PALLD: variants seen among roughly 807,000 people sequenced by gnomAD.
The protein encoded by PALLD is palladin.
In PALLD, 61 loss-of-function variants were observed where a neutral mutation model predicts 123.5. The ratio of observed to expected loss-of-function variants is 0.49; its 90% CI spans 0.40 to 0.61. PALLD has a LOEUF of 0.61. PALLD is among the 20% of genes least tolerant of loss of function. PALLD has a pLI of 0.00. For synonymous variants in PALLD, 465 were observed against 496.4 expected, an observed-to-expected ratio of 0.94 and a Z score of 0.84; for missense variants, 1,273 against 1,377.0, an observed-to-expected ratio of 0.92 and a Z score of 1.20.
chr4:168,577,568 AG>A, intron 2 of PALLD, among the ~76,000 whole-genome samples: 2 of 152,284 alleles, frequency 1.3e-5, no homozygotes, highest in Admixed American at 1.3e-4. Flanking sequence ...ATATATCAAA[AG>A]TATTTGCAAT....
chr4:168,870,504 A>G (rs548920941), intron 10 of PALLD, among the ~76,000 whole-genome samples: 22 of 152,332 alleles, frequency 1.4e-4, no homozygotes, highest in Middle Eastern at 3.4e-3. Context: ...AAACTGATAT[A>G]TACGTTTTTC....
intron 3 of PALLD, among the ~76,000 whole-genome samples, chr4:168,677,632 T>C (rs1780993194): frequency 6.6e-6 from 1 of 152,146 alleles, no homozygotes; most frequent in Non-Finnish European, 1.5e-5. Flanking sequence ...ACCCCTCCCC[T>C]TCTCCTAAAT....
chr4:168,715,265 A>C (rs1255522440), intron 10 of PALLD, among the ~76,000 whole-genome samples: 1 of 151,846 alleles, frequency 6.6e-6, no homozygotes, highest in Non-Finnish European at 1.5e-5. Flanking sequence ...TGTTTCTAAC[A>C]CTCTCCCTCA....
chr4:168,525,254 C>T (rs772579676), intron 2 of PALLD, among the ~76,000 whole-genome samples: 1 of 152,092 alleles, frequency 6.6e-6, no homozygotes, highest in Non-Finnish European at 1.5e-5. Flanking sequence ...TACAATTCTG[C>T]AAGATCATTT....
intron 6 of PALLD, among the ~76,000 whole-genome samples, chr4:168,685,895 T>G (rs534336284): frequency 1.3e-5 from 2 of 150,996 alleles, no homozygotes; most frequent in Admixed American, 6.6e-5. Flanking sequence ...TCAGAAAAAC[T>G]GACTAATTTT....
At chr4:168,894,047 T>C (rs1038241805) in intron 11 of PALLD, 2 of 166,886 alleles carry the variant, frequency 1.2e-5, no homozygotes, top group African/African-American at 4.8e-5. Context: ...CTCATCCACA[T>C]CTTCCTTTAG....
chr4:168,537,161 T>C (rs146833030), intron 2 of PALLD, among the ~76,000 whole-genome samples: 1 of 152,288 alleles, frequency 6.6e-6, no homozygotes, highest in African/African-American at 2.4e-5. Context: ...TCAAATTATC[T>C]TTACTACAGA....
At chr4:168,903,606 A>G in intron 14 of PALLD, 151 bp from the exon 15 acceptor site, 1 of 648,162 alleles carries the variant, frequency 1.5e-6, no homozygotes, top group Non-Finnish European at 2.7e-6. Flanking sequence ...TTTTTCAGTG[A>G]AAAATCAATT....
At chr4:168,836,656 C>T (rs965313559) in intron 10 of PALLD, among the ~76,000 whole-genome samples, 2 of 152,162 alleles carry the variant, frequency 1.3e-5, no homozygotes, top group African/African-American at 4.8e-5. Flanking sequence ...GCTGGAGCGC[C>T]ACGCAGGAGA....
chr4:168,539,612 T>TAAATAAAG (rs869262753), intron 2 of PALLD, among the ~76,000 whole-genome samples: 15 of 122,146 alleles, frequency 1.2e-4, no homozygotes, highest in Middle Eastern at 8.5e-3. Flanking sequence ...AATAAATAAA[T>TAAATAAAG]AAAGATGCTT....
chr4:168,727,324 C>A (rs1786691361), intron 10 of PALLD, among the ~76,000 whole-genome samples: 1 of 152,202 alleles, frequency 6.6e-6, no homozygotes, highest in Admixed American at 6.5e-5. Context: ...AGGGGCTGAA[C>A]TAATTTACAT....
At chr4:168,587,514 G>A (rs972618169) in intron 2 of PALLD, among the ~76,000 whole-genome samples, 4 of 152,130 alleles carry the variant, frequency 2.6e-5, no homozygotes, top group African/African-American at 9.7e-5. Context: ...ACTCCAAAGC[G>A]CAGGGAGGCT....
At chr4:168,732,876 T>A (rs1296026739) in intron 10 of PALLD, among the ~76,000 whole-genome samples, 1 of 152,202 alleles carries the variant, frequency 6.6e-6, no homozygotes. Context: ...CAGAACATGA[T>A]CATGTAACTA....
chr4:168,875,705 G>A (rs1021724306), intron 10 of PALLD, among the ~76,000 whole-genome samples: 5 of 152,218 alleles, frequency 3.3e-5, no homozygotes, highest in Admixed American at 1.3e-4. Flanking sequence ...TAAAGTTAGC[G>A]CTTCCACAGC....
chr4:168,509,731 C>T (rs1249040340), intron 1 of PALLD, among the ~76,000 whole-genome samples: 1 of 151,874 alleles, frequency 6.6e-6, no homozygotes, highest in Non-Finnish European at 1.5e-5. Context: ...AATTCAGGCA[C>T]AAAAAAAGTA....
intron 10 of PALLD, among the ~76,000 whole-genome samples, chr4:168,750,003 G>A (rs1452174966): frequency 6.6e-6 from 1 of 151,518 alleles, no homozygotes; most frequent in Non-Finnish European, 1.5e-5. Context: ...CTGGAGTGCA[G>A]TGGCAATATC....
intron 2 of PALLD, among the ~76,000 whole-genome samples, chr4:168,647,286 G>A (rs1777557678): frequency 6.6e-6 from 1 of 152,116 alleles, no homozygotes; most frequent in Non-Finnish European, 1.5e-5. Flanking sequence ...CTTCAGAAAG[G>A]TTAGGCTGAC....
chr4:168,928,321 A>G lies in PALLD; in HGVS notation c.*2141A>G, dbSNP rs962914167. 55 of 95,476 alleles carry G rather than the reference A, an allele frequency of 5.8e-4. No homozygotes were observed. Among genetic ancestry groups the G allele is most frequent in the Admixed American group, 1.7e-3 (12 of 6,942 alleles). 5.9% of individuals were successfully genotyped at this position (95,476 alleles called of 1,614,324 possible). A position where few individuals can be genotyped will look rare whatever the true frequency, so the allele number is the denominator to read the frequency against. The stretch of plus-strand genomic sequence containing the variant: ...CATTATTTTGCCACCTTTATATTGT[A>G]TTTATAAAAAAAAAAGTACTATCAA... On this transcript the variant is annotated 3_prime_UTR_variant, in exon 22 of 22. Transcript: ENST00000505667.
intron 2 of PALLD, among the ~76,000 whole-genome samples, chr4:168,624,298 C>A (rs1191498877): frequency 6.6e-6 from 1 of 151,872 alleles, no homozygotes; most frequent in Non-Finnish European, 1.5e-5. Flanking sequence ...TTTATTATAT[C>A]CCATTAAATT....
Sources: gnomAD v4.1 joint callset for allele counts (sites outside exome capture counted in the v4.1 genomes callset) on GRCh38, gnomAD v4.1.1 for gene constraint, MANE v1.5 for transcripts, NCBI Gene and HGNC (gene_info 2026-07-23, HGNC 2026-07-21) for gene names.